Variants in FSIP1 observed in about 807,000 individuals in gnomAD.
FSIP1 encodes fibrous sheath interacting protein 1.
In FSIP1, 65 loss-of-function variants were observed where a neutral mutation model predicts 60.9. The observed-to-expected ratio is 1.07, with a 90% confidence interval of 0.87 to 1.31. FSIP1 has a LOEUF of 1.31. FSIP1 is among the 40% of genes most tolerant of loss of function. The probability of loss-of-function intolerance (pLI) is 0.00; values close to 1 mark genes in which losing one functional copy is unlikely to be tolerated. For synonymous variants in FSIP1, 209 were observed against 221.2 expected, an observed-to-expected ratio of 0.94 and a Z score of 0.49; for missense variants, 675 against 665.5, an observed-to-expected ratio of 1.01 and a Z score of -0.16.
At chr15:39,609,408 C>T (rs1566849733) in intron 11 of FSIP1, among the ~76,000 whole-genome samples, 1 of 152,148 alleles carries the variant, frequency 6.6e-6, no homozygotes, top group East Asian at 1.9e-4. Context: ...CCACCCAACC[C>T]CAGCAGCCAA....
intron 10 of FSIP1, among the ~76,000 whole-genome samples, chr15:39,638,665 A>T (rs568171233): frequency 6.6e-6 from 1 of 152,340 alleles, no homozygotes; most frequent in East Asian, 1.9e-4. Flanking sequence ...CTAGAAGACA[A>T]ATAACTTAAC....
Position 39,607,139 on chromosome 15 carries a change from C to T in FSIP1, c.1700-6213G>A, listed in dbSNP as rs953951544. Among the ~76,000 whole-genome samples the T allele has an allele frequency of 7.2e-5, 11 of 152,200 alleles. 1 individual carries two copies. The highest frequency in any genetic ancestry group is 2.7e-4 in the African/African-American group (11 of 41,444). On this transcript the variant is annotated intron_variant, in intron 11 of 11. Transcript: ENST00000350221. ...TTGGGAGATGAAATGGCATGCTCAG[C>T]TCAGCCCCTGCCTCCTCAGGAGTCA...
chr15:39,742,167 AAG>A (rs1310215568), intron 5 of FSIP1, among the ~76,000 whole-genome samples: 1 of 152,222 alleles, frequency 6.6e-6, no homozygotes, highest in Non-Finnish European at 1.5e-5. Context: ...AAGGATGTGT[AAG>A]AGTGTGCTAA....
intron 11 of FSIP1, among the ~76,000 whole-genome samples, chr15:39,607,345 G>C (rs1890863657): frequency 6.6e-6 from 1 of 152,188 alleles, no homozygotes; most frequent in African/African-American, 2.4e-5. Context: ...TGCCCACCCG[G>C]ATCATGACAA....
intron 10 of FSIP1, among the ~76,000 whole-genome samples, chr15:39,690,688 T>C (rs1239945826): frequency 6.6e-6 from 1 of 152,208 alleles, no homozygotes; most frequent in Non-Finnish European, 1.5e-5. Flanking sequence ...GAGTTGTTAC[T>C]TTTGTCCATT....
chr15:39,672,679 T>C (rs1893769204), intron 10 of FSIP1, among the ~76,000 whole-genome samples: 1 of 152,164 alleles, frequency 6.6e-6, no homozygotes, highest in Admixed American at 6.5e-5. Flanking sequence ...TCAGAGGTAA[T>C]ATCACACAGA....
At chr15:39,757,527 AT>A (rs1183230086) in intron 5 of FSIP1, among the ~76,000 whole-genome samples, 1 of 152,152 alleles carries the variant, frequency 6.6e-6, no homozygotes, top group Non-Finnish European at 1.5e-5. Flanking sequence ...CAAAAAACAA[AT>A]TAATATAATT....
intron 10 of FSIP1, among the ~76,000 whole-genome samples, chr15:39,624,970 C>T (rs184931767): frequency 6.6e-6 from 1 of 152,300 alleles, no homozygotes; most frequent in East Asian, 1.9e-4. Context: ...CAGAATAATA[C>T]TGAGTGTGAA....
chr15:39,670,610 G>T (rs1276200219), intron 10 of FSIP1, among the ~76,000 whole-genome samples: 1 of 152,168 alleles, frequency 6.6e-6, no homozygotes, highest in Admixed American at 6.5e-5. Context: ...CTGAAGAAAG[G>T]TCAGCCTGGA....
intron 2 of FSIP1, among the ~76,000 whole-genome samples, chr15:39,773,791 T>C (rs1897966431): frequency 6.6e-6 from 1 of 152,202 alleles, no homozygotes; most frequent in Non-Finnish European, 1.5e-5. Flanking sequence ...ATTCCATTTA[T>C]ACAAACTTCT....
chr15:39,641,185 T>C (rs1892354007), intron 10 of FSIP1, among the ~76,000 whole-genome samples: 1 of 152,068 alleles, frequency 6.6e-6, no homozygotes, highest in African/African-American at 2.4e-5. Flanking sequence ...GCTAACACAT[T>C]ACAAATACAA....
chr15:39,626,795 C>CCCATCTCAG (rs112250307), intron 10 of FSIP1, among the ~76,000 whole-genome samples: 18,814 of 152,162 alleles, frequency 0.12, 1,387 homozygotes, highest in East Asian at 0.21. Flanking sequence ...TTATAAATTA[C>CCCATCTCAG]GTAGTATTTT....
At chr15:39,635,516 AC>A (rs1254730949) in intron 10 of FSIP1, among the ~76,000 whole-genome samples, 1 of 152,084 alleles carries the variant, frequency 6.6e-6, no homozygotes, top group Admixed American at 6.5e-5. Flanking sequence ...CAAGTTCTTG[AC>A]CTTAGTTCCA....
intron 10 of FSIP1, among the ~76,000 whole-genome samples, chr15:39,702,296 A>G (rs1338412146): frequency 6.7e-6 from 1 of 150,104 alleles, no homozygotes; most frequent in Non-Finnish European, 1.5e-5. Flanking sequence ...AGGCCTTTAG[A>G]GGTTAACAGA....
chr15:39,757,942 T>C (rs948231020), intron 5 of FSIP1, among the ~76,000 whole-genome samples: 1 of 152,162 alleles, frequency 6.6e-6, no homozygotes, highest in African/African-American at 2.4e-5. Flanking sequence ...CTAAGAAGTC[T>C]GAATCTAAAA....
At chr15:39,646,783 C>A (rs989915969) in intron 10 of FSIP1, among the ~76,000 whole-genome samples, 1 of 151,624 alleles carries the variant, frequency 6.6e-6, no homozygotes, top group African/African-American at 2.4e-5. Flanking sequence ...TTGTTCATTG[C>A]AGCATTATTC....
chr15:39,675,046 T>G (rs1893882836), intron 10 of FSIP1, among the ~76,000 whole-genome samples: 2 of 152,138 alleles, frequency 1.3e-5, no homozygotes, highest in African/African-American at 4.8e-5. Flanking sequence ...AGGCTTTTTT[T>G]TTAAAGGGGG....
At chr15:39,717,690 G>T (rs900668571) in intron 9 of FSIP1, among the ~76,000 whole-genome samples, 1 of 151,988 alleles carries the variant, frequency 6.6e-6, no homozygotes, top group Non-Finnish European at 1.5e-5. Context: ...TATCCTACAG[G>T]AGCCATTATC....
chr15:39,672,353 C>T (rs1893754844), intron 10 of FSIP1, among the ~76,000 whole-genome samples: 3 of 152,190 alleles, frequency 2.0e-5, no homozygotes. Context: ...TCAGCCCAAA[C>T]ACCTACATCT....
Sources: gnomAD v4.1 joint callset for allele counts (sites outside exome capture counted in the v4.1 genomes callset) on GRCh38, gnomAD v4.1.1 for gene constraint, MANE v1.5 for transcripts, NCBI Gene and HGNC (gene_info 2026-07-23, HGNC 2026-07-21) for gene names.